MMD: variants seen among roughly 807,000 people sequenced by gnomAD.
The protein encoded by MMD is monocyte to macrophage differentiation factor.
Under a neutral mutation model 33.6 loss-of-function variants are expected in MMD, and 22 were observed. The ratio of observed to expected loss-of-function variants is 0.66; its 90% CI spans 0.47 to 0.94. The LOEUF is 0.94. Among genes scored for constraint, MMD ranks in the 40% least tolerant of loss-of-function variants. The pLI, the probability that MMD is intolerant of heterozygous loss-of-function variation, is 0.00. For synonymous variants in MMD, 97 were observed against 103.2 expected (o/e 0.94, Z 0.36); for missense variants, 242 against 309.8 (o/e 0.78, Z 1.64).
At chr17:55,395,575 T>C (rs556430970) in intron 6 of MMD, among the ~76,000 whole-genome samples, 1 of 152,288 alleles carries the variant, frequency 6.6e-6, no homozygotes, top group East Asian at 1.9e-4. Context: ...TAGACCATCA[T>C]GAGCTAAGGA....
intron 6 of MMD, among the ~76,000 whole-genome samples, chr17:55,400,906 A>C (rs2143125644): frequency 6.6e-6 from 1 of 152,316 alleles, no homozygotes; most frequent in African/African-American, 2.4e-5. Flanking sequence ...AGATATTTTC[A>C]AGCAAAGTAA....
chr17:55,416,105 C>T (rs779349617), intron 1 of MMD, among the ~76,000 whole-genome samples: 1 of 152,170 alleles, frequency 6.6e-6, no homozygotes, highest in Non-Finnish European at 1.5e-5. Flanking sequence ...GTAGCATACC[C>T]TATTAGGAAT....
chr17:55,410,575 T>A (rs958482769), intron 3 of MMD, among the ~76,000 whole-genome samples: 3 of 152,216 alleles, frequency 2.0e-5, no homozygotes, highest in African/African-American at 7.2e-5. Flanking sequence ...TATAGTATTG[T>A]TTTGAAAGTG....
intron 4 of MMD, among the ~76,000 whole-genome samples, chr17:55,404,238 C>T (rs1907455419): frequency 6.6e-6 from 1 of 151,930 alleles, no homozygotes; most frequent in East Asian, 1.9e-4. Flanking sequence ...GCCTGTAATC[C>T]AAGTTGCTCG....
chr17:55,402,679 G>C (rs971082355), intron 5 of MMD, among the ~76,000 whole-genome samples: 1 of 152,150 alleles, frequency 6.6e-6, no homozygotes, highest in Non-Finnish European at 1.5e-5. Flanking sequence ...CCAGAAGGCC[G>C]GGAAAAGGAG....
intron 1 of MMD, among the ~76,000 whole-genome samples, chr17:55,416,491 G>A (rs1327938130): frequency 1.3e-5 from 2 of 152,102 alleles, no homozygotes; most frequent in African/African-American, 2.4e-5. Context: ...GAAAGATAAG[G>A]GTAACTATCC....
In MMD at chr17:55,393,138, G is replaced by A. The variant is rs1411798341; in HGVS notation, c.*1196C>T. ...TGTTAATCTTAATATAAGACACTGA[G>A]AGAAAAGTAAAAATAATACATAAAT... is the stretch of plus-strand genomic sequence containing the variant. On this transcript the variant is annotated 3_prime_UTR_variant, in exon 7 of 7. Coordinates refer to ENST00000262065, the MANE Select transcript of MMD (RefSeq NM_012329.3). 6.6e-6 allele frequency: 1 copy of A among 151,282 alleles called. No individual in the cohort carries two copies. The highest frequency in any genetic ancestry group is 6.6e-5 in the Admixed American group (1 of 15,144). The allele number at this position is 151,282 out of a possible 1,614,324, so 9.4% of individuals were successfully genotyped here. A position where few individuals can be genotyped will look rare whatever the true frequency, so the allele number is the denominator to read the frequency against.
chr17:55,397,359 C>CCATGTCGGCTAGGCTGGTCTCGAA (rs1907140876), intron 6 of MMD, among the ~76,000 whole-genome samples: 1 of 151,328 alleles, frequency 6.6e-6, no homozygotes, highest in African/African-American at 2.4e-5. Flanking sequence ...ACGGGTTTTG[C>CCATGTCGGCTAGGCTGGTCTCGAA]CATGTCGGCT....
chr17:55,403,728 CA>C, intron 5 of MMD, 38 bp downstream of exon 5: 4 of 1,497,596 alleles, frequency 2.7e-6, no homozygotes, highest in Non-Finnish European at 3.7e-6. Flanking sequence ...TTTAGGCAGT[CA>C]ATTTTAAAAC....
chr17:55,406,241 A>G (rs1598432111), intron 4 of MMD, among the ~76,000 whole-genome samples: 1 of 152,226 alleles, frequency 6.6e-6, no homozygotes, highest in East Asian at 1.9e-4. Context: ...CTAAAAATAG[A>G]AAAACTAGCC....
intron 6 of MMD, among the ~76,000 whole-genome samples, chr17:55,399,830 G>A (rs1029476266): frequency 2.0e-5 from 3 of 152,098 alleles, no homozygotes; most frequent in African/African-American, 7.2e-5. Flanking sequence ...ACAAACATTA[G>A]TCACCTGCTA....
At chr17:55,420,973 C>G (rs968613632) in intron 1 of MMD, among the ~76,000 whole-genome samples, 3 of 152,186 alleles carry the variant, frequency 2.0e-5, no homozygotes, top group East Asian at 3.9e-4. Context: ...TCCTCCTCCT[C>G]GTTTCCTAAC....
chr17:55,420,043 T>G (rs1908117035), intron 1 of MMD: 1 of 152,170 alleles, frequency 6.6e-6, no homozygotes, highest in African/African-American at 2.4e-5. Context: ...TGTTGTTGTT[T>G]TAACAGTTTT....
Position 55,414,016 on chromosome 17 carries a change from G to T in MMD, c.108+135C>A. 3 of 807,416 alleles carry T rather than the reference G, an allele frequency of 3.7e-6. No individual in the cohort carries two copies. In the South Asian group the frequency reaches 4.6e-5, roughly 12 times the overall value. 50.0% of individuals were successfully genotyped at this position (807,416 alleles called of 1,614,324 possible). A position where few individuals can be genotyped will look rare whatever the true frequency, so the allele number is the denominator to read the frequency against. ...ACATAGTTTCTGGTGACACGACCCA[G>T]AACTGATTTCCTGGTAGATAAGGTC... On this transcript the variant is annotated intron_variant, in intron 2 of 6. Coordinates refer to ENST00000262065, the MANE Select transcript of MMD (RefSeq NM_012329.3).
At chr17:55,421,013 C>T (rs541563345) in intron 1 of MMD, among the ~76,000 whole-genome samples, 24 of 152,318 alleles carry the variant, frequency 1.6e-4, no homozygotes, top group Admixed American at 5.2e-4. Flanking sequence ...GTCTCGCCAC[C>T]CGAAAGCTAA....
chr17:55,421,383 G>A (rs1202672029), intron 1 of MMD, among the ~76,000 whole-genome samples: 1 of 152,142 alleles, frequency 6.6e-6, no homozygotes, highest in Non-Finnish European at 1.5e-5. Flanking sequence ...AGGAGCAAAG[G>A]GATCCCCGGG....
At chr17:55,404,280 G>A (rs1237240395) in intron 4 of MMD, among the ~76,000 whole-genome samples, 1 of 151,916 alleles carries the variant, frequency 6.6e-6, no homozygotes, top group Admixed American at 6.6e-5. Flanking sequence ...GCTTGAGCCC[G>A]GGAGGCAGAG....
intron 2 of MMD, 91 bp from the exon 3 acceptor site, chr17:55,411,508 AT>A: frequency 7.3e-7 from 1 of 1,360,884 alleles, no homozygotes; most frequent in Non-Finnish European, 9.9e-7. Flanking sequence ...ACCAGGAACA[AT>A]TTTAGTAAAA....
At chr17:55,395,876 TA>T (rs1034198332) in intron 6 of MMD, among the ~76,000 whole-genome samples, 5 of 152,178 alleles carry the variant, frequency 3.3e-5, no homozygotes, top group Admixed American at 2.6e-4. Flanking sequence ...TCTTCTAGGA[TA>T]GGGGTAAGGC....
Sources: allele counts gnomAD v4.1 joint callset (sites outside exome capture counted in the v4.1 genomes callset), GRCh38; gene constraint gnomAD v4.1.1; transcripts MANE v1.5; gene names NCBI Gene and HGNC (gene_info 2026-07-23, HGNC 2026-07-21).